UBE2E2: variants seen among roughly 807,000 people sequenced by gnomAD.
The protein encoded by UBE2E2 is ubiquitin-conjugating enzyme E2 E2.
A neutral mutation model predicts 24.7 loss-of-function variants in UBE2E2; 6 were observed. The observed-to-expected ratio is 0.24, with a 90% confidence interval of 0.13 to 0.48. The LOEUF (loss-of-function observed/expected upper bound fraction) is 0.48. Ranked by LOEUF, UBE2E2 falls within the 20% of genes least tolerant of loss-of-function variation. UBE2E2 has a pLI of 0.99. For missense variants in UBE2E2, 169 were observed against 245.0 expected (o/e 0.69, Z 2.07); for synonymous variants, 104 against 83.6 (o/e 1.24, Z -1.33).
chr3:23,568,086 T>G (rs1025244651), intron 5 of UBE2E2, among the ~76,000 whole-genome samples: 1 of 152,210 alleles, frequency 6.6e-6, no homozygotes, highest in Non-Finnish European at 1.5e-5. Context: ...CAGACTCCCT[T>G]GACCACAGTT....
intron 3 of UBE2E2, among the ~76,000 whole-genome samples, chr3:23,238,865 A>C: frequency 6.6e-6 from 1 of 152,284 alleles, no homozygotes; most frequent in Non-Finnish European, 1.5e-5. Context: ...CACTTGTGGC[A>C]TCATGTCAGT....
chr3:23,255,842 T>G (rs1697708039), intron 3 of UBE2E2, among the ~76,000 whole-genome samples: 2 of 152,148 alleles, frequency 1.3e-5, no homozygotes, highest in South Asian at 4.1e-4. Flanking sequence ...TGCATACCTG[T>G]AGTTCTAGCT....
intron 3 of UBE2E2, among the ~76,000 whole-genome samples, chr3:23,277,318 A>G (rs551275689): frequency 6.6e-6 from 1 of 152,300 alleles, no homozygotes; most frequent in East Asian, 1.9e-4. Flanking sequence ...ATTTTCAAAG[A>G]TCGGCTACTG....
chr3:23,526,001 T>C (rs1230178132), intron 4 of UBE2E2, among the ~76,000 whole-genome samples: 1 of 152,234 alleles, frequency 6.6e-6, no homozygotes, highest in Non-Finnish European at 1.5e-5. Context: ...TTTGCAAGTA[T>C]TCTTTCTCAT....
chr3:23,440,340 T>G (rs1251797637), intron 3 of UBE2E2, among the ~76,000 whole-genome samples: 2 of 152,172 alleles, frequency 1.3e-5, no homozygotes, highest in African/African-American at 4.8e-5. Flanking sequence ...ACTCCTGGAC[T>G]CAAGCAATCC....
At chr3:23,478,252 G>T (rs919403907) in intron 3 of UBE2E2, among the ~76,000 whole-genome samples, 8 of 152,190 alleles carry the variant, frequency 5.3e-5, no homozygotes, top group African/African-American at 1.7e-4. Flanking sequence ...CACAGTGCCT[G>T]CCCTCAGGGG....
intron 3 of UBE2E2, among the ~76,000 whole-genome samples, chr3:23,227,656 T>C (rs1269643387): frequency 2.6e-5 from 4 of 152,156 alleles, no homozygotes; most frequent in African/African-American, 9.7e-5. Context: ...GATAGACTTT[T>C]TGAAGACAAA....
intron 3 of UBE2E2, among the ~76,000 whole-genome samples, chr3:23,445,967 G>A (rs184561592): frequency 4.2e-4 from 64 of 152,134 alleles, no homozygotes; most frequent in Non-Finnish European, 6.8e-4. Flanking sequence ...ATTTTTATCC[G>A]TCAATGATAG....
At chr3:23,367,185 G>T (rs1192687138) in intron 3 of UBE2E2, among the ~76,000 whole-genome samples, 1 of 152,094 alleles carries the variant, frequency 6.6e-6, no homozygotes, top group African/African-American at 2.4e-5. Flanking sequence ...GAATTAATTT[G>T]CCCTGTGTTT....
chr3:23,368,194 C>G (rs182566411), intron 3 of UBE2E2, among the ~76,000 whole-genome samples: 20 of 152,200 alleles, frequency 1.3e-4, no homozygotes, highest in African/African-American at 4.6e-4. Context: ...GTTCTCACTT[C>G]ATAAAAATTA....
At chr3:23,530,086 A>T (rs946652411) in intron 4 of UBE2E2, among the ~76,000 whole-genome samples, 1 of 152,196 alleles carries the variant, frequency 6.6e-6, no homozygotes, top group African/African-American at 2.4e-5. Flanking sequence ...AACATATGAT[A>T]GGGGGATCTT....
chr3:23,512,718 C>G (rs1694632256), intron 4 of UBE2E2, among the ~76,000 whole-genome samples: 1 of 152,072 alleles, frequency 6.6e-6, no homozygotes. Context: ...GCCAAGACGG[C>G]CAGATCACCT....
At chr3:23,253,738 G>T (rs995147912) in intron 3 of UBE2E2, among the ~76,000 whole-genome samples, 1 of 152,078 alleles carries the variant, frequency 6.6e-6, no homozygotes, top group African/African-American at 2.4e-5. Flanking sequence ...TCCATTCATT[G>T]GATGGTTATA....
intron 3 of UBE2E2, among the ~76,000 whole-genome samples, chr3:23,276,692 C>G (rs533554742): frequency 9.9e-5 from 15 of 151,874 alleles, no homozygotes; most frequent in South Asian, 6.2e-4. Context: ...GTTTTGAAGT[C>G]TTTAATAATT....
intron 3 of UBE2E2, among the ~76,000 whole-genome samples, chr3:23,384,510 A>AT (rs2125354449): frequency 6.6e-6 from 1 of 151,514 alleles, no homozygotes; most frequent in African/African-American, 2.4e-5. Context: ...ACCCTGGAAA[A>AT]TTTGCTCTTT....
intron 4 of UBE2E2, among the ~76,000 whole-genome samples, chr3:23,528,826 T>C (rs1021298339): frequency 6.6e-6 from 1 of 152,188 alleles, no homozygotes; most frequent in South Asian, 2.1e-4. Context: ...TGTCTGTTCA[T>C]ATCTAGCACG....
At chr3:23,467,655 A>G (rs1305510499) in intron 3 of UBE2E2, among the ~76,000 whole-genome samples, 1 of 152,178 alleles carries the variant, frequency 6.6e-6, no homozygotes, top group Non-Finnish European at 1.5e-5. Flanking sequence ...ACTGTGATCT[A>G]TGGTTATGTA....
chr3:23,294,353 T>G (rs1305482365), intron 3 of UBE2E2, among the ~76,000 whole-genome samples: 1 of 152,074 alleles, frequency 6.6e-6, no homozygotes, highest in African/African-American at 2.4e-5. Context: ...GTATATATGG[T>G]CAGTTAGTTT....
chr3:23,544,056 A>G (rs1043091754), intron 5 of UBE2E2, among the ~76,000 whole-genome samples: 1 of 152,248 alleles, frequency 6.6e-6, no homozygotes, highest in Non-Finnish European at 1.5e-5. Context: ...ATATACAAAA[A>G]TCAACTTAAG....
Sources: gnomAD v4.1 joint callset for allele counts (sites outside exome capture counted in the v4.1 genomes callset) on GRCh38, gnomAD v4.1.1 for gene constraint, MANE v1.5 for transcripts, NCBI Gene and HGNC (gene_info 2026-07-23, HGNC 2026-07-21) for gene names.